The following CNTNAP2 variants were observed in gnomAD, a reference collection of about 807,000 sequenced individuals.
The protein encoded by CNTNAP2 is contactin-associated protein-like 2.
Under a neutral mutation model 155.2 loss-of-function variants are expected in CNTNAP2, and 98 were observed. That is an observed-to-expected ratio of 0.63 (90% CI 0.54 to 0.75). CNTNAP2 has a LOEUF of 0.75. CNTNAP2 is among the 30% of genes least tolerant of loss of function. The pLI, the probability that CNTNAP2 is intolerant of heterozygous loss-of-function variation, is 0.00. For missense variants in CNTNAP2, 1,727 were observed against 1,688.1 expected, an observed-to-expected ratio of 1.02 and a Z score of -0.40; for synonymous variants, 651 against 631.2, an observed-to-expected ratio of 1.03 and a Z score of -0.47.
chr7:148,311,214 T>A (rs1337037581), intron 21 of CNTNAP2, among the ~76,000 whole-genome samples: 2 of 151,890 alleles, frequency 1.3e-5, no homozygotes, highest in Non-Finnish European at 1.5e-5. Context: ...AGTAAATGAG[T>A]TCTTCAGGAG....
chr7:147,124,589 C>G (rs1041419344), intron 6 of CNTNAP2, among the ~76,000 whole-genome samples: 2 of 152,054 alleles, frequency 1.3e-5, no homozygotes, highest in Non-Finnish European at 2.9e-5. Flanking sequence ...ATATAAATGA[C>G]CTCAAGAACA....
chr7:148,257,289 C>G (rs959085778), intron 20 of CNTNAP2, among the ~76,000 whole-genome samples: 1 of 152,176 alleles, frequency 6.6e-6, no homozygotes, highest in Non-Finnish European at 1.5e-5. Flanking sequence ...ACTTTCCCTT[C>G]GTAAAGGCAT....
intron 13 of CNTNAP2, among the ~76,000 whole-genome samples, chr7:147,810,406 C>T (rs1164946653): frequency 2.0e-5 from 3 of 151,846 alleles, no homozygotes; most frequent in African/African-American, 7.3e-5. Context: ...AACAGCTGTA[C>T]TAACATGAAT....
chr7:147,170,603 A>T (rs1802207430), intron 8 of CNTNAP2, among the ~76,000 whole-genome samples: 1 of 151,652 alleles, frequency 6.6e-6, no homozygotes, highest in Admixed American at 6.6e-5. Flanking sequence ...CTCCTACTCA[A>T]GTTCCGAGCA....
chr7:146,695,480 C>A (rs1250020311), intron 1 of CNTNAP2, among the ~76,000 whole-genome samples: 1 of 152,028 alleles, frequency 6.6e-6, no homozygotes, highest in Non-Finnish European at 1.5e-5. Context: ...AGTGGCATGG[C>A]CACAGCTCAC....
chr7:146,715,669 C>A (rs1443823553), intron 1 of CNTNAP2, among the ~76,000 whole-genome samples: 1 of 152,134 alleles, frequency 6.6e-6, no homozygotes, highest in African/African-American at 2.4e-5. Flanking sequence ...TGATGAATCA[C>A]TAATATAGTT....
chr7:147,596,085 G>A (rs1217821524), intron 12 of CNTNAP2, among the ~76,000 whole-genome samples: 1 of 151,966 alleles, frequency 6.6e-6, no homozygotes, highest in Non-Finnish European at 1.5e-5. Context: ...TGTTTACCAG[G>A]CGTCAGCATT....
At chr7:146,326,868 T>C (rs1801106104) in intron 1 of CNTNAP2, among the ~76,000 whole-genome samples, 1 of 152,334 alleles carries the variant, frequency 6.6e-6, no homozygotes, top group South Asian at 2.1e-4. Flanking sequence ...TCAGTTCTTA[T>C]GGAAGGAAAT....
At chr7:147,811,481 A>G (rs2116607436) in intron 13 of CNTNAP2, among the ~76,000 whole-genome samples, 1 of 152,144 alleles carries the variant, frequency 6.6e-6, no homozygotes, top group East Asian at 1.9e-4. Flanking sequence ...TTGCCTCCCA[A>G]CTCAGCAGTT....
rs1224617335 is a variant in CNTNAP2 at position 148,158,222 on chromosome 7, C to CT, written c.2773+10532dup. ...AGTGATGATAGGTACAATGTTTGCG[C>CT]TTTTTTTTTTTTTTTTTTTGAGACA... On this transcript the variant is annotated intron_variant, in intron 17 of 23. Transcript: ENST00000361727. Among the ~76,000 whole-genome samples, 490 of 94,740 alleles carry CT rather than the reference C, an allele frequency of 5.2e-3. 33 individuals are homozygous for CT. The highest frequency in any genetic ancestry group is 7.0e-3 in the Non-Finnish European group (369 of 52,346). 62.2% of individuals were successfully genotyped at this position (94,740 alleles called of 152,430 possible).
chr7:147,066,358 G>A (rs1799779871), intron 4 of CNTNAP2, among the ~76,000 whole-genome samples: 1 of 152,162 alleles, frequency 6.6e-6, no homozygotes, highest in African/African-American at 2.4e-5. Flanking sequence ...GATGAGAACA[G>A]GACAGGTGAC....
At chr7:147,819,294 C>A (rs958541955) in intron 13 of CNTNAP2, among the ~76,000 whole-genome samples, 3 of 152,088 alleles carry the variant, frequency 2.0e-5, no homozygotes, top group Non-Finnish European at 4.4e-5. Context: ...GAAATGCAGA[C>A]CTTTAGTTTT....
chr7:147,134,284 T>G (rs1801435384), intron 8 of CNTNAP2, among the ~76,000 whole-genome samples: 1 of 151,958 alleles, frequency 6.6e-6, no homozygotes, highest in Non-Finnish European at 1.5e-5. Flanking sequence ...CTGTGTTTAT[T>G]TTGAAAATTA....
At chr7:148,231,737 C>A (rs1406641217) in intron 20 of CNTNAP2, among the ~76,000 whole-genome samples, 1 of 152,116 alleles carries the variant, frequency 6.6e-6, no homozygotes, top group Non-Finnish European at 1.5e-5. Flanking sequence ...CCCAGGGAAT[C>A]TCTGATAGGC....
intron 8 of CNTNAP2, among the ~76,000 whole-genome samples, chr7:147,248,483 G>A (rs745727393): frequency 1.8e-4 from 28 of 152,122 alleles, no homozygotes; most frequent in Non-Finnish European, 3.1e-4. Flanking sequence ...CCTGGGTTAG[G>A]GTCAGTGGTA....
intron 13 of CNTNAP2, among the ~76,000 whole-genome samples, chr7:147,822,940 C>A (rs1345091644): frequency 6.6e-6 from 1 of 152,166 alleles, no homozygotes; most frequent in Non-Finnish European, 1.5e-5. Flanking sequence ...AGGGTTGGTA[C>A]AGAAAATATC....
intron 1 of CNTNAP2, among the ~76,000 whole-genome samples, chr7:146,306,318 CAA>C (rs1394231057): frequency 6.6e-6 from 1 of 152,050 alleles, no homozygotes; most frequent in East Asian, 1.9e-4. Flanking sequence ...ACCAGAGGGA[CAA>C]AGAGGAGCTG....
chr7:147,608,549 G>T (rs1801118684), intron 12 of CNTNAP2, among the ~76,000 whole-genome samples: 1 of 152,000 alleles, frequency 6.6e-6, no homozygotes, highest in South Asian at 2.1e-4. Flanking sequence ...CAATCCTCCT[G>T]CCTCAGCCTC....
intron 1 of CNTNAP2, among the ~76,000 whole-genome samples, chr7:146,368,432 G>C (rs1303404434): frequency 6.6e-6 from 1 of 152,158 alleles, no homozygotes; most frequent in Admixed American, 6.6e-5. Flanking sequence ...ACGGTACGGT[G>C]TGGTATGGTA....
Sources: gnomAD v4.1 joint callset for allele counts (sites outside exome capture counted in the v4.1 genomes callset) on GRCh38, gnomAD v4.1.1 for gene constraint, MANE v1.5 for transcripts, NCBI Gene and HGNC (gene_info 2026-07-23, HGNC 2026-07-21) for gene names.